Variants in SEMA4D observed in about 807,000 individuals in gnomAD.
SEMA4D encodes the protein semaphorin 4D.
SEMA4D carries 22 observed loss-of-function variants against 74.8 expected under a neutral mutation model. The ratio of observed to expected loss-of-function variants is 0.29; its 90% CI spans 0.21 to 0.42. The LOEUF (loss-of-function observed/expected upper bound fraction) is 0.42, where lower values mean the gene tolerates loss of function less well. Ranked by LOEUF, SEMA4D falls within the 10% of genes least tolerant of loss-of-function variation. The pLI is 1.00. For synonymous variants in SEMA4D, 445 were observed against 463.7 expected (o/e 0.96, Z 0.52); for missense variants, 937 against 1,118.4 (o/e 0.84, Z 2.31).
intron 2 of SEMA4D, among the ~76,000 whole-genome samples, chr9:89,445,259 C>A (rs542901198): frequency 6.6e-6 from 1 of 152,328 alleles, no homozygotes; most frequent in East Asian, 1.9e-4. Flanking sequence ...GAGTGCTGCT[C>A]CCTGAAACCC....
At chr9:89,366,021 C>A (rs1833605994) in intron 16 of SEMA4D, among the ~76,000 whole-genome samples, 1 of 152,186 alleles carries the variant, frequency 6.6e-6, no homozygotes, top group South Asian at 2.1e-4. Context: ...CTGGGCAGTC[C>A]TAGGAATGAG....
chr9:89,418,024 G>C, intron 2 of SEMA4D: 1 of 938,770 alleles, frequency 1.1e-6, no homozygotes, highest in Non-Finnish European at 1.3e-6. Context: ...CTGCTCAACT[G>C]AAATTACAGA....
intron 2 of SEMA4D, among the ~76,000 whole-genome samples, chr9:89,448,009 A>G (rs1420210689): frequency 6.6e-6 from 1 of 152,032 alleles, no homozygotes; most frequent in East Asian, 1.9e-4. Flanking sequence ...ATTTATTTGC[A>G]TAGGGTCTTG....
chr9:89,437,160 G>A (rs1036849255), intron 2 of SEMA4D, among the ~76,000 whole-genome samples: 9 of 152,220 alleles, frequency 5.9e-5, no homozygotes, highest in African/African-American at 2.2e-4. Context: ...TTTTGTTAGG[G>A]GCTGCAGGGC....
intron 13 of SEMA4D, among the ~76,000 whole-genome samples, chr9:89,383,510 G>A (rs986559998): frequency 2.0e-5 from 3 of 152,180 alleles, no homozygotes; most frequent in Admixed American, 1.3e-4. Context: ...AGGTCAGGGA[G>A]GCAGGAACAG....
At chr9:89,453,004 T>C (rs1024992958) in intron 2 of SEMA4D, among the ~76,000 whole-genome samples, 3 of 152,186 alleles carry the variant, frequency 2.0e-5, no homozygotes, top group Non-Finnish European at 4.4e-5. Flanking sequence ...CTCCTGGGCC[T>C]CCTGAAACAT....
At chr9:89,417,671 ACAC>A (rs1845998848) in intron 2 of SEMA4D, among the ~76,000 whole-genome samples, 1 of 152,244 alleles carries the variant, frequency 6.6e-6, no homozygotes, top group Admixed American at 6.5e-5. Context: ...CCCTCTTATT[ACAC>A]CACACCTTAC....
chr9:89,363,659 T>C, intron 17 of SEMA4D: 3 of 1,593,116 alleles, frequency 1.9e-6, no homozygotes, highest in South Asian at 2.2e-5. Flanking sequence ...AAGCATGCTT[T>C]CCAGCTGTTT....
rs746859235 is a variant in SEMA4D, at chr9:89,381,671, C to A, written c.1447-325G>T. On this transcript the variant is annotated intron_variant, in intron 13 of 15. Transcript: ENST00000422704. This position sits in a 1 kb window ranked among gnomAD's most constrained non-coding sequence, Gnocchi z 4.6. ...CAGTGGGGAGGCTGTTCAGTCCCCACCTCCAGATCTCCTCCCTGCAGCAGA... is the reference window on the plus strand; with the variant it reads ...CAGTGGGGAGGCTGTTCAGTCCCCAACTCCAGATCTCCTCCCTGCAGCAGA... 8.9e-6 allele frequency: 2 copies of A among 223,836 alleles called. No individual in the cohort carries two copies. Among genetic ancestry groups the A allele is most frequent in the Non-Finnish European group, 1.8e-5 (2 of 113,676 alleles). The allele number at this position is 223,836 out of a possible 1,614,324, so 13.9% of individuals were successfully genotyped here. A position where few individuals can be genotyped will look rare whatever the true frequency, so the allele number is the denominator to read the frequency against.
At chr9:89,421,012 C>G (rs1846813067) in intron 2 of SEMA4D, among the ~76,000 whole-genome samples, 1 of 152,226 alleles carries the variant, frequency 6.6e-6, no homozygotes, top group African/African-American at 2.4e-5. Context: ...AGAGATATAA[C>G]AAGCAGGGTG....
At chr9:89,370,184 ATGTGTGTGTGGTG>A (rs1374798618) in intron 16 of SEMA4D, among the ~76,000 whole-genome samples, 1 of 145,704 alleles carries the variant, frequency 6.9e-6, no homozygotes, top group African/African-American at 2.6e-5. Flanking sequence ...ATGGTGTTTG[ATGTGTGTGTGGTG>A]TGTGTGATTT....
chr9:89,497,704 A>G (rs1258099998), intron 1 of SEMA4D, among the ~76,000 whole-genome samples: 2 of 150,230 alleles, frequency 1.3e-5, no homozygotes, highest in Non-Finnish European at 3.0e-5. Flanking sequence ...TGTCTCTGGG[A>G]GGCGTCCCAG....
At chr9:89,400,737 TCACGTTTG>T (rs562564695) in intron 4 of SEMA4D, among the ~76,000 whole-genome samples, 253 of 152,306 alleles carry the variant, frequency 1.7e-3, no homozygotes, top group African/African-American at 5.7e-3. Context: ...AGACTCTTGA[TCACGTTTG>T]CAGGGATTTT....
At position 89,385,262 on chromosome 9, in the gene SEMA4D, T is replaced by G. The variant is rs1034373404; in HGVS notation, c.1446+1105A>C. On this transcript the variant is annotated intron_variant, in intron 13 of 15. Coordinates refer to ENST00000422704, the MANE Select transcript of SEMA4D (RefSeq NM_001371194.2). ...TCCCTAAGTGACCCTTGGAACAGAG[T>G]GTCATTCTCACGAATGTCCACACCA... The G allele has an allele frequency of 4.1e-6, 4 of 984,750 alleles. No homozygotes were observed. In the African/African-American group the frequency reaches 7.0e-5, roughly 17 times the overall value. 61.0% of individuals were successfully genotyped at this position (984,750 alleles called of 1,614,324 possible).
chr9:89,395,258 T>G (rs953162282), intron 6 of SEMA4D, among the ~76,000 whole-genome samples: 3 of 152,064 alleles, frequency 2.0e-5, no homozygotes, highest in African/African-American at 7.2e-5. Flanking sequence ...AAACCCCATC[T>G]CTACTAAAAA....
chr9:89,412,297 T>C (rs1844706450), intron 2 of SEMA4D, among the ~76,000 whole-genome samples: 2 of 152,082 alleles, frequency 1.3e-5, no homozygotes, highest in Admixed American at 6.5e-5. Context: ...AATCTTGTAA[T>C]AGTATCCACG....
At chr9:89,396,856 C>T (rs750705585) in intron 5 of SEMA4D, 21 bp from the exon 6 acceptor site, 2 of 1,599,620 alleles carry the variant, frequency 1.3e-6, no homozygotes, top group Middle Eastern at 1.7e-4. Context: ...GAGAAATGCA[C>T]CATTAGCAAC....
chr9:89,460,132 G>A lies in SEMA4D; in HGVS notation c.-309-4179C>T, dbSNP rs113490492. 4.6e-3 allele frequency among the ~76,000 whole-genome samples: 706 copies of A among 152,198 alleles called. 4 individuals carry two copies. The highest frequency in any genetic ancestry group is 0.016 in the African/African-American group (674 of 41,544). ...CACGATGCATCCCCCGCCTGCTCCC[G>A]ATCACTCACAACAAAATGCTCATAA... On this transcript the variant is annotated intron_variant, in intron 1 of 15. Transcript: ENST00000422704.
chr9:89,433,388 T>G (rs898320050), intron 2 of SEMA4D, among the ~76,000 whole-genome samples: 1 of 152,066 alleles, frequency 6.6e-6, no homozygotes, highest in Admixed American at 6.6e-5. Flanking sequence ...GAGTCCTTGA[T>G]AGTGGGGAGG....
Sources: gnomAD v4.1 joint callset for allele counts (sites outside exome capture counted in the v4.1 genomes callset) on GRCh38, gnomAD v4.1.1 for gene constraint, Gnocchi (gnomAD v3.1) non-coding constraint, MANE v1.5 for transcripts, NCBI Gene and HGNC (gene_info 2026-07-23, HGNC 2026-07-21) for gene names.